PCDHA2: variants seen among roughly 807,000 people sequenced by gnomAD.
The protein encoded by PCDHA2 is protocadherin alpha 2, also known as protocadherin alpha-2.
In PCDHA2, 58 loss-of-function variants were observed where a neutral mutation model predicts 66.0. The observed-to-expected ratio is 0.88, with a 90% confidence interval of 0.71 to 1.09. The LOEUF is 1.09. Among genes scored for constraint, PCDHA2 ranks in the 50% least tolerant of loss-of-function variants. PCDHA2 has a pLI of 0.00. For missense variants in PCDHA2, 1,267 were observed against 1,242.3 expected (o/e 1.02, Z -0.30); for synonymous variants, 634 against 554.0 (o/e 1.14, Z -2.03).
chr5:140,846,435 C>T (rs1355633400), intron 1 of PCDHA2, among the ~76,000 whole-genome samples: 1 of 133,632 alleles, frequency 7.5e-6, no homozygotes, highest in Non-Finnish European at 1.6e-5. Flanking sequence ...AATGCAGTGG[C>T]GCAATCTCGG....
At chr5:140,898,961 G>A (rs1405112699) in intron 1 of PCDHA2, among the ~76,000 whole-genome samples, 1 of 152,036 alleles carries the variant, frequency 6.6e-6, no homozygotes, top group African/African-American at 2.4e-5. Flanking sequence ...AGTTGTGAAT[G>A]GGAGTTCACT....
rs549399459 is a variant in PCDHA2, at chr5:140,802,727, A to G, written c.2388+5375A>G. 111 of 1,612,528 alleles carry G rather than the reference A, an allele frequency of 6.9e-5. 1 individual carries two copies. In the South Asian group the frequency reaches 9.4e-4, roughly 14 times the overall value. On this transcript the variant is annotated intron_variant, in intron 1 of 3. Coordinates refer to ENST00000526136, the MANE Select transcript of PCDHA2 (RefSeq NM_018905.3). ...GCGCGCTGTCGAGCTACGTGTCGGT[A>G]CACGCGGAGAGCGGCAAGGTGTACG... is the stretch of plus-strand genomic sequence containing the variant.
At chr5:140,877,041 A>G (rs782570873) in intron 1 of PCDHA2, 15 of 1,612,586 alleles carry the variant, frequency 9.3e-6, no homozygotes, top group African/African-American at 4.0e-5. Context: ...TGCAGCCGCT[A>G]GACCACGAGG....
intron 1 of PCDHA2, chr5:140,835,210 ATAT>A: frequency 6.4e-7 from 1 of 1,571,342 alleles, no homozygotes; most frequent in Non-Finnish European, 8.6e-7. Flanking sequence ...TTGAATGGGG[ATAT>A]TATTTACTCC....
intron 1 of PCDHA2, chr5:140,841,078 T>C: frequency 3.8e-6 from 2 of 527,688 alleles, no homozygotes; most frequent in Non-Finnish European, 6.6e-6. Flanking sequence ...AAATAGAAAG[T>C]GCATAGAAGA....
intron 1 of PCDHA2, chr5:140,835,445 C>T (rs2150235847): frequency 6.2e-7 from 1 of 1,613,864 alleles, no homozygotes; most frequent in South Asian, 1.1e-5. Flanking sequence ...CTCTCACTTC[C>T]CTGTCTCTCC....
At position 140,795,615 on chromosome 5, in the gene PCDHA2, G is replaced by C. The variant is rs782606233; in HGVS notation, c.651G>C (p.Gly217=). 4.3e-6 allele frequency: 7 copies of C among 1,614,020 alleles called. No homozygotes were observed. The South Asian group carries it at 7.7e-5, about 18-fold the overall frequency. ...EVNLLLVATD[G]GKPELTGTVQ... is the part of the protein sequence containing the mutation. ...ATTTGTTACTGGTGGCTACTGATGG[G>C]GGCAAACCTGAGCTCACGGGCACCG... Residue 217 remains glycine (G), a synonymous_variant, in exon 1 of 4, where the codon GGG becomes GGC. Coordinates refer to ENST00000526136, the MANE Select transcript of PCDHA2 (RefSeq NM_018905.3).
chr5:140,841,732 C>G, intron 1 of PCDHA2: 7 of 1,613,858 alleles, frequency 4.3e-6, no homozygotes, highest in Non-Finnish European at 5.9e-6. Flanking sequence ...GGGTAAAAGA[C>G]CAAAAGCTGT....
intron 1 of PCDHA2, among the ~76,000 whole-genome samples, chr5:140,932,575 G>A (rs1554208974): frequency 6.6e-6 from 1 of 151,674 alleles, no homozygotes; most frequent in South Asian, 2.1e-4. Context: ...TTTCCCATAG[G>A]GTAATTAGAT....
intron 1 of PCDHA2, among the ~76,000 whole-genome samples, chr5:140,890,854 T>G (rs1320462436): frequency 6.6e-6 from 1 of 152,232 alleles, no homozygotes; most frequent in Non-Finnish European, 1.5e-5. Context: ...TTTCTCTTCC[T>G]TACTTCTTGC....
intron 3 of PCDHA2, among the ~76,000 whole-genome samples, chr5:141,008,840 T>C (rs2098392722): frequency 6.6e-6 from 1 of 152,188 alleles, no homozygotes; most frequent in African/African-American, 2.4e-5. Context: ...CCTCTTACGC[T>C]GTGTATTCCC....
At chr5:141,006,606 C>T (rs782461917) in intron 3 of PCDHA2, among the ~76,000 whole-genome samples, 3 of 152,112 alleles carry the variant, frequency 2.0e-5, no homozygotes, top group Non-Finnish European at 4.4e-5. Flanking sequence ...TGGAAGCAGA[C>T]TGAATAAGGA....
At chr5:140,871,648 T>C (rs948584860) in intron 1 of PCDHA2, 2 of 1,275,648 alleles carry the variant, frequency 1.6e-6, no homozygotes, top group Non-Finnish European at 2.1e-6. Context: ...AAATACCAAA[T>C]GATACACATC....
rs1766618058 is a variant in PCDHA2, at chr5:140,819,764, T to G, written c.2388+22412T>G. On this transcript the variant is annotated intron_variant, in intron 1 of 3. Coordinates refer to ENST00000526136, the MANE Select transcript of PCDHA2 (RefSeq NM_018905.3). ...AAAAGTCAAGAGTCTTGTTTCCTCCTGAAATATCTATATAAGTACATGAGA... is the reference window on the plus strand; with the variant it reads ...AAAAGTCAAGAGTCTTGTTTCCTCCGGAAATATCTATATAAGTACATGAGA... 2.0e-5 allele frequency among the ~76,000 whole-genome samples: 3 copies of G among 152,058 alleles called. No individual in the cohort carries two copies. The South Asian group carries it at 6.2e-4, about 31-fold the overall frequency.
At chr5:140,858,289 T>A in intron 1 of PCDHA2, 2 of 1,597,184 alleles carry the variant, frequency 1.3e-6, no homozygotes, top group East Asian at 4.5e-5. Context: ...GGAGCTGGTC[T>A]TACTCGCAGC....
chr5:140,801,177 A>G, intron 1 of PCDHA2: 1 of 1,570,090 alleles, frequency 6.4e-7, no homozygotes, highest in Non-Finnish European at 8.6e-7. Flanking sequence ...AAGGCAATCT[A>G]ATATTTGGAA....
chr5:140,849,893 G>A, intron 1 of PCDHA2: 1 of 1,598,550 alleles, frequency 6.3e-7, no homozygotes, highest in Non-Finnish European at 8.6e-7. Context: ...TCGTGAAGGA[G>A]AACAACCCGC....
chr5:140,881,505 CACAT>C (rs2058738073), intron 1 of PCDHA2: 1 of 242,822 alleles, frequency 4.1e-6, no homozygotes, highest in African/African-American at 2.3e-5. Flanking sequence ...TACACACACT[CACAT>C]ACAAAATCCC....
intron 1 of PCDHA2, among the ~76,000 whole-genome samples, chr5:140,941,977 A>G (rs1247578104): frequency 6.6e-6 from 1 of 152,154 alleles, no homozygotes; most frequent in Admixed American, 6.5e-5. Context: ...CTTTCCCTAA[A>G]CCTTGATAAG....
Sources: gnomAD v4.1 joint callset for allele counts (sites outside exome capture counted in the v4.1 genomes callset) on GRCh38, gnomAD v4.1.1 for gene constraint, MANE v1.5 for transcripts, NCBI Gene and HGNC (gene_info 2026-07-23, HGNC 2026-07-21) for gene names.